ATP8A2: variants seen among roughly 807,000 people sequenced by gnomAD.
ATP8A2 encodes phospholipid-transporting ATPase IB.
ATP8A2 carries 100 observed loss-of-function variants against 165.6 expected under a neutral mutation model. The observed-to-expected ratio is 0.60, with a 90% CI of 0.51 to 0.71. ATP8A2 has a LOEUF of 0.71. ATP8A2 is among the 30% of genes least tolerant of loss of function. ATP8A2 has a pLI of 0.00. For missense variants in ATP8A2, 1,227 were observed against 1,479.5 expected (o/e 0.83, Z 2.80); for synonymous variants, 543 against 548.8 (o/e 0.99, Z 0.15).
intron 15 of ATP8A2, among the ~76,000 whole-genome samples, chr13:25,561,726 T>C (rs1202013525): frequency 6.6e-6 from 1 of 152,222 alleles, no homozygotes; most frequent in Admixed American, 6.5e-5. Context: ...GCACCATTCA[T>C]TTCTAGAACT....
intron 33 of ATP8A2, among the ~76,000 whole-genome samples, chr13:25,874,399 A>G (rs1952767728): frequency 6.6e-6 from 1 of 152,084 alleles, no homozygotes; most frequent in Non-Finnish European, 1.5e-5. Context: ...CTTTCCTCAC[A>G]TCCTGGACCT....
At chr13:25,717,038 T>C (rs3132349) in intron 25 of ATP8A2, among the ~76,000 whole-genome samples, 36,837 of 151,994 alleles carry the variant, frequency 0.24, 6,693 homozygotes, top group African/African-American at 0.51. Flanking sequence ...GAAAGAAAGG[T>C]GACTTTAATC....
At chr13:25,728,641 A>G (rs951413338) in intron 25 of ATP8A2, among the ~76,000 whole-genome samples, 1 of 152,160 alleles carries the variant, frequency 6.6e-6, no homozygotes, top group Non-Finnish European at 1.5e-5. Flanking sequence ...GACATTTGAG[A>G]TGGCTTCTAA....
intron 33 of ATP8A2, among the ~76,000 whole-genome samples, chr13:25,894,492 G>T (rs567038981): frequency 1.9e-4 from 29 of 151,154 alleles, no homozygotes; most frequent in African/African-American, 5.6e-4. Flanking sequence ...TTGTTCTTTT[G>T]GCTTAGGATT....
chr13:25,826,995 C>T (rs1224105766), intron 27 of ATP8A2, among the ~76,000 whole-genome samples: 4 of 151,894 alleles, frequency 2.6e-5, no homozygotes, highest in South Asian at 2.1e-4. Flanking sequence ...TCTGTCCTCC[C>T]GGTGGCTCGG....
chr13:25,995,141 C>G (rs1252286556), intron 35 of ATP8A2, among the ~76,000 whole-genome samples: 1 of 151,428 alleles, frequency 6.6e-6, no homozygotes, highest in Non-Finnish European at 1.5e-5. Context: ...CTACAATTAT[C>G]TTTTTGATAT....
chr13:25,516,578 G>C (rs1166765405), intron 2 of ATP8A2, among the ~76,000 whole-genome samples: 4 of 152,142 alleles, frequency 2.6e-5, no homozygotes, highest in African/African-American at 7.2e-5. Context: ...CATGGGGCCT[G>C]AATTGTAATG....
At chr13:25,520,536 TTTGGCTCTATAGCCAGAAGTGAAA>T in intron 2 of ATP8A2, among the ~76,000 whole-genome samples, 1 of 152,168 alleles carries the variant, frequency 6.6e-6, no homozygotes, top group Non-Finnish European at 1.5e-5. Context: ...TTTTCTTTCT[TTTGGCTCTATAGCCAGAAGTGAAA>T]TTGCTGGATT....
chr13:25,906,398 C>A (rs898847830), intron 33 of ATP8A2, among the ~76,000 whole-genome samples: 3 of 152,066 alleles, frequency 2.0e-5, no homozygotes, highest in Non-Finnish European at 2.9e-5. Context: ...TGCAGTGATG[C>A]CCTTATTTCT....
chr13:25,503,815 C>T (rs2036935396), intron 2 of ATP8A2, among the ~76,000 whole-genome samples: 2 of 152,080 alleles, frequency 1.3e-5, no homozygotes, highest in South Asian at 4.2e-4. Context: ...TGACTCTGAG[C>T]CTGTTGCCGG....
At chr13:25,889,836 CTTT>C (rs1953299823) in intron 33 of ATP8A2, among the ~76,000 whole-genome samples, 1 of 152,012 alleles carries the variant, frequency 6.6e-6, no homozygotes, top group Non-Finnish European at 1.5e-5. Context: ...TCCTCAGATA[CTTT>C]TTTAAATTTT....
At chr13:25,638,163 A>G (rs2041420082) in intron 24 of ATP8A2, among the ~76,000 whole-genome samples, 1 of 152,248 alleles carries the variant, frequency 6.6e-6, no homozygotes, top group African/African-American at 2.4e-5. Context: ...GGGAAAAAAC[A>G]GAGCAGAAAA....
intron 2 of ATP8A2, among the ~76,000 whole-genome samples, chr13:25,529,367 G>T (rs1420537128): frequency 6.6e-6 from 1 of 152,172 alleles, no homozygotes; most frequent in Non-Finnish European, 1.5e-5. Flanking sequence ...ATCTGTTCTG[G>T]GGATAGATAA....
intron 34 of ATP8A2, among the ~76,000 whole-genome samples, chr13:25,962,663 G>A (rs1385612740): frequency 1.3e-5 from 2 of 152,044 alleles, no homozygotes; most frequent in East Asian, 1.9e-4. Context: ...CTTTACTTTG[G>A]GCAAAACACA....
At chr13:25,500,786 T>C (rs1356124488) in intron 2 of ATP8A2, among the ~76,000 whole-genome samples, 1 of 152,116 alleles carries the variant, frequency 6.6e-6, no homozygotes, top group Non-Finnish European at 1.5e-5. Flanking sequence ...TTTTGCCACA[T>C]TGCACCAGCT....
At chr13:25,832,661 G>C (rs1951509215) in intron 28 of ATP8A2, among the ~76,000 whole-genome samples, 5 of 152,092 alleles carry the variant, frequency 3.3e-5, no homozygotes, top group Admixed American at 3.3e-4. Flanking sequence ...CCCAAAATAA[G>C]AACTCTAAAT....
intron 1 of ATP8A2, among the ~76,000 whole-genome samples, chr13:25,417,672 A>C (rs1249825160): frequency 6.6e-6 from 1 of 152,098 alleles, no homozygotes; most frequent in Non-Finnish European, 1.5e-5. Flanking sequence ...GAGATTTCTG[A>C]CTCACTATAT....
At chr13:25,439,096 A>C (rs996933388) in intron 1 of ATP8A2, among the ~76,000 whole-genome samples, 2 of 152,224 alleles carry the variant, frequency 1.3e-5, no homozygotes, top group African/African-American at 2.4e-5. Context: ...TCCCTTAGGA[A>C]TCCAAAAAGG....
chr13:25,781,374 A>G (rs1368220064), intron 27 of ATP8A2, among the ~76,000 whole-genome samples: 1 of 152,206 alleles, frequency 6.6e-6, no homozygotes, highest in Admixed American at 6.5e-5. Flanking sequence ...TTTTGCAAAC[A>G]TATATTTCCT....
Sources: gnomAD v4.1 joint callset for allele counts (sites outside exome capture counted in the v4.1 genomes callset) on GRCh38, gnomAD v4.1.1 for gene constraint, MANE v1.5 for transcripts, NCBI Gene and HGNC (gene_info 2026-07-23, HGNC 2026-07-21) for gene names.